The following ARHGAP11A variants were observed in gnomAD, a reference collection of about 807,000 sequenced individuals.
ARHGAP11A encodes Rho GTPase activating protein 11A.
A neutral mutation model predicts 60.5 loss-of-function variants in ARHGAP11A; 36 were observed. That is an observed-to-expected ratio of 0.59 (90% confidence interval 0.46 to 0.79). The LOEUF is 0.79. Ranked by LOEUF, ARHGAP11A falls within the 30% of genes least tolerant of loss-of-function variation. The pLI is 0.00. For synonymous variants in ARHGAP11A, 362 were observed against 415.5 expected (o/e 0.87, Z 1.57); for missense variants, 1,071 against 1,199.2 (o/e 0.89, Z 1.58).
chr15:32,618,945 C>T (rs1325780296), intron 1 of ARHGAP11A, among the ~76,000 whole-genome samples: 1 of 152,008 alleles, frequency 6.6e-6, no homozygotes, highest in Non-Finnish European at 1.5e-5. Flanking sequence ...AGTGAGACTC[C>T]CTCTCAAAAA....
At chr15:32,635,140 G>A (rs1161977714) in intron 10 of ARHGAP11A, among the ~76,000 whole-genome samples, 4 of 152,286 alleles carry the variant, frequency 2.6e-5, no homozygotes, top group Non-Finnish European at 5.9e-5. Flanking sequence ...GCATTTCTGA[G>A]CTCTCCTCCA....
At position 32,635,781 on chromosome 15, in the gene ARHGAP11A, G is replaced by A. The variant is rs563978569; in HGVS notation, c.1349G>A (p.Gly450Glu). The A allele has an allele frequency of 1.3e-5, 21 of 1,592,774 alleles. No homozygotes were observed. Among genetic ancestry groups the A allele is most frequent in the South Asian group, 1.3e-4 (11 of 86,608 alleles). ...AACTTTTTTTTTTCTGTACAGAATG[G>A]ATGTTCTGGTGTCAATAGATATGAA... ...NLGKNGREVNGCSGVNRYESV... is the reference protein window; with the variant it reads ...NLGKNGREVNECSGVNRYESV... The change falls in exon 11 of 12, where the codon GGA (glycine) becomes GAA (glutamate). Residue 450 changes from glycine (G) to glutamate (E), a missense_variant. Gly to Glu is a moderately conservative substitution (Grantham distance 98). This residue lies in a region of ARHGAP11A where 776 missense variants were observed against 760.2 expected (regional missense o/e 1.02). Transcript: ENST00000361627.
chr15:32,628,219 A>G (rs909062514), intron 6 of ARHGAP11A, among the ~76,000 whole-genome samples: 2 of 152,238 alleles, frequency 1.3e-5, no homozygotes, highest in African/African-American at 4.8e-5. Flanking sequence ...AAGGTCTTTC[A>G]TAGGATTGCT....
At chr15:32,621,821 C>CAAAAAAAA (rs376053100) in intron 2 of ARHGAP11A, among the ~76,000 whole-genome samples, 10 of 120,938 alleles carry the variant, frequency 8.3e-5, no homozygotes, top group Non-Finnish European at 1.6e-4. Context: ...GACTCCGTCT[C>CAAAAAAAA]AAAAAAAAAA....
intron 1 of ARHGAP11A, among the ~76,000 whole-genome samples, chr15:32,619,305 T>C (rs1215882483): frequency 6.6e-6 from 1 of 152,204 alleles, no homozygotes; most frequent in African/African-American, 2.4e-5. Context: ...AGGCTTGAAT[T>C]TACCTTTCAG....
At chr15:32,621,826 AAAAAAAAAAAAAAG>A (rs1416233342) in intron 2 of ARHGAP11A, among the ~76,000 whole-genome samples, 4 of 81,422 alleles carry the variant, frequency 4.9e-5, no homozygotes, top group South Asian at 5.5e-4. Flanking sequence ...CGTCTCAAAA[AAAAAAAAAAAAAAG>A]AAAAAAAAAG....
intron 6 of ARHGAP11A, among the ~76,000 whole-genome samples, chr15:32,626,735 T>G (rs552483648): frequency 6.6e-6 from 1 of 152,358 alleles, no homozygotes; most frequent in African/African-American, 2.4e-5. Context: ...GGAGAATCCT[T>G]TCTTGCCTCT....
Position 32,636,415 on chromosome 15 carries a change from A to G in ARHGAP11A, c.1642A>G (p.Asn548Asp), listed in dbSNP as rs1364688158. The G allele has an allele frequency of 1.9e-6, 3 of 1,613,940 alleles. No homozygotes were observed. The highest frequency in any genetic ancestry group is 2.5e-6 in the Non-Finnish European group (3 of 1,179,972). Reference protein sequence around the residue: ...SSMVENLEVENSLEPDIMVEK... With the variant: ...SSMVENLEVEDSLEPDIMVEK... ...AATGGTGGAAAATCTTGAGGTAGAAAACTCTTTGGAGCCTGATATTATGGT... is the reference window on the plus strand; with the variant it reads ...AATGGTGGAAAATCTTGAGGTAGAAGACTCTTTGGAGCCTGATATTATGGT... Residue 548 changes from asparagine to aspartate, a missense_variant, in exon 12 of 12, where the codon AAC (asparagine) becomes GAC (aspartate). Asn to Asp is a conservative substitution (Grantham distance 23, BLOSUM62 1). This residue lies in a region of ARHGAP11A where 776 missense variants were observed against 760.2 expected (regional missense o/e 1.02). Transcript: ENST00000361627.
chr15:32,625,361 C>T (rs2053433269), intron 5 of ARHGAP11A, 118 bp downstream of exon 5: 1 of 1,445,474 alleles, frequency 6.9e-7, no homozygotes, highest in African/African-American at 1.4e-5. Flanking sequence ...CTCACCCCCA[C>T]CCTACAGTAC....
intron 6 of ARHGAP11A, among the ~76,000 whole-genome samples, chr15:32,627,321 C>T (rs541992889): frequency 6.6e-6 from 1 of 152,034 alleles, no homozygotes; most frequent in South Asian, 2.1e-4. Context: ...ACCACTATTC[C>T]CTAGATACTC....
At chr15:32,631,707 G>A (rs544543053) in intron 8 of ARHGAP11A, among the ~76,000 whole-genome samples, 4 of 152,088 alleles carry the variant, frequency 2.6e-5, no homozygotes, top group Non-Finnish European at 5.9e-5. Context: ...ACGGAGTCTC[G>A]CTCTGTCTCC....
Position 32,636,928 on chromosome 15 carries a change from A to G in ARHGAP11A, c.2155A>G (p.Ser719Gly), listed in dbSNP as rs1267981537. The G allele has an allele frequency of 1.9e-6, 3 of 1,611,670 alleles. No homozygotes were observed. The highest frequency in any genetic ancestry group is 1.7e-5 in the Admixed American group (1 of 59,598). ...TTATTTAAGCAAGCAAGAATTCTCC[A>G]GTGATGAAGAAATAAAGAAACAGCA... is the stretch of plus-strand genomic sequence containing the variant. ...KDYLSKQEFSSDEEIKKQQSP... is the reference protein window; with the variant it reads ...KDYLSKQEFSGDEEIKKQQSP... Residue 719 changes from serine to glycine, a missense_variant, in exon 12 of 12, where the codon AGT becomes GGT. Transcript: ENST00000361627.
intron 2 of ARHGAP11A, among the ~76,000 whole-genome samples, chr15:32,621,884 T>C (rs1044332810): frequency 9.2e-5 from 14 of 152,404 alleles, no homozygotes; most frequent in Middle Eastern, 3.4e-3. Flanking sequence ...GTGAAACTTA[T>C]CCTTAATTCA....
rs977026083 is a variant in ARHGAP11A at position 32,626,324 on chromosome 15, T to A, written c.862+691T>A. The stretch of plus-strand genomic sequence containing the variant: ...TTAGTTAGGAGTACGAACTAAATAA[T>A]GAAGGAAATATTATCAAGGAAGAAT... On this transcript the variant is annotated intron_variant, in intron 6 of 11. Transcript: ENST00000361627. 1.8e-4 allele frequency among the ~76,000 whole-genome samples: 28 copies of A among 152,102 alleles called. 1 individual carries two copies. The highest frequency in any genetic ancestry group is 2.6e-4 in the Admixed American group (4 of 15,270).
At position 32,615,997 on chromosome 15, in the gene ARHGAP11A, G is replaced by A. The variant is rs1054603135; in HGVS notation, c.-215G>A. The A allele has an allele frequency of 1.6e-6, 1 of 630,086 alleles. No individual in the cohort carries two copies. Among genetic ancestry groups the A allele is most frequent in the African/African-American group, 1.8e-5 (1 of 54,520 alleles). The allele number at this position is 630,086 out of a possible 1,614,324, so 39.0% of individuals were successfully genotyped here. A position where few individuals can be genotyped will look rare whatever the true frequency, so the allele number is the denominator to read the frequency against. ...AAGAGTGAGGTGTGGCTGGATCAAAGGGCTAAGAGAAGCGGGTCTGTGTAA... is the reference window on the plus strand; with the variant it reads ...AAGAGTGAGGTGTGGCTGGATCAAAAGGCTAAGAGAAGCGGGTCTGTGTAA... On this transcript the variant is annotated 5_prime_UTR_variant, in exon 1 of 12. Coordinates refer to ENST00000361627, the MANE Select transcript of ARHGAP11A (RefSeq NM_014783.6).
intron 10 of ARHGAP11A, among the ~76,000 whole-genome samples, chr15:32,635,366 T>G (rs572175037): frequency 2.0e-5 from 3 of 152,350 alleles, no homozygotes; most frequent in Admixed American, 2.0e-4. Context: ...ACTTTTCACC[T>G]TGTATATTGT....
chr15:32,637,496 G>A lies in ARHGAP11A; in HGVS notation c.2723G>A (p.Cys908Tyr). 1 of 1,613,896 alleles carries A rather than the reference G, an allele frequency of 6.2e-7. No homozygotes were observed. Among genetic ancestry groups the A allele is most frequent in the Non-Finnish European group, 8.5e-7 (1 of 1,180,022 alleles). Residue 908 changes from cysteine (C) to tyrosine (Y), a missense_variant, in exon 12 of 12, where the codon TGT becomes TAT. By Grantham distance (194) the Cys-to-Tyr change is radical (BLOSUM62 -2). Coordinates refer to ENST00000361627, the MANE Select transcript of ARHGAP11A (RefSeq NM_014783.6). ...CCTAAAGAACAGAAGTCCATGTCAT[G>A]TGAAGAGTCAAATATTGGTGCAATT... ...SGPKEQKSMS[C>Y]EESNIGAISK...
At position 32,637,261 on chromosome 15, in the gene ARHGAP11A, C is replaced by T. The variant is rs373431196; in HGVS notation, c.2488C>T (p.Pro830Ser). 2.5e-6 allele frequency: 4 copies of T among 1,614,196 alleles called. No individual in the cohort carries two copies. Among genetic ancestry groups the T allele is most frequent in the Non-Finnish European group, 3.4e-6 (4 of 1,180,030 alleles). Reference sequence around the variant, plus strand: ...ACCAAATAGAATAAAAGTCAAGTCACCTCTTAAGTTTCAGCGTACTCCTGT... The same window carrying T: ...ACCAAATAGAATAAAAGTCAAGTCATCTCTTAAGTTTCAGCGTACTCCTGT... Reference protein sequence around the residue: ...NEPNRIKVKSPLKFQRTPVRQ... With the variant: ...NEPNRIKVKSSLKFQRTPVRQ... Residue 830 changes from proline (P) to serine (S), a missense_variant, in exon 12 of 12, where the codon CCT becomes TCT. Physicochemically the swap from Pro to Ser is moderately conservative, Grantham distance 74. Coordinates refer to ENST00000361627, the MANE Select transcript of ARHGAP11A (RefSeq NM_014783.6).
chr15:32,627,654 G>A (rs2053495863), intron 6 of ARHGAP11A, among the ~76,000 whole-genome samples: 5 of 152,048 alleles, frequency 3.3e-5, no homozygotes. Context: ...GTGTGAACCT[G>A]GGAGGCGGAG....
Sources: gnomAD v4.1 joint callset for allele counts (sites outside exome capture counted in the v4.1 genomes callset) on GRCh38, gnomAD v4.1.1 for gene constraint, gnomAD v4.1.1 regional missense constraint, MANE v1.5 for transcripts, NCBI Gene and HGNC (gene_info 2026-07-23, HGNC 2026-07-21) for gene names.